CCDC57: variants seen among roughly 807,000 people sequenced by gnomAD.
The protein encoded by CCDC57 is coiled-coil domain-containing protein 57.
In CCDC57, 118 loss-of-function variants were observed where a neutral mutation model predicts 118.9. The observed-to-expected ratio is 0.99, with a 90% confidence interval of 0.86 to 1.16. The LOEUF is 1.16. Ranked by LOEUF, CCDC57 falls within the 50% of genes most tolerant of loss-of-function variation. CCDC57 has a pLI of 0.00. For missense variants in CCDC57, 1,300 were observed against 1,320.7 expected (o/e 0.98, Z 0.24); for synonymous variants, 527 against 532.9 (o/e 0.99, Z 0.15).
chr17:82,211,012 A>G (rs1487047818), intron 1 of CCDC57, among the ~76,000 whole-genome samples: 1 of 12,260 alleles, frequency 8.2e-5, no homozygotes, highest in South Asian at 2.7e-3. Flanking sequence ...AAAAAAAAGA[A>G]AAAAAAAAAA....
rs994457263 is a variant in CCDC57 at position 82,118,905 on chromosome 17, G to A, written c.2899+8787C>T. On this transcript the variant is annotated intron_variant, in intron 19 of 19. Coordinates refer to ENST00000665763, the Ensembl canonical transcript of CCDC57. The surrounding 1 kb of genome is among the most constrained non-coding windows in gnomAD (Gnocchi z 4.7). The stretch of plus-strand genomic sequence containing the variant: ...CTCCATTCTACTTCTGCGTATTTTC[G>A]TGGTTTGCCTTGGAGTCCCTCCCTC... Among the ~76,000 whole-genome samples, 3 of 151,432 alleles carry A rather than the reference G, an allele frequency of 2.0e-5. No homozygotes were observed. The highest frequency in any genetic ancestry group is 4.4e-5 in the Non-Finnish European group (3 of 67,920).
At chr17:82,209,553 G>A in intron 1 of CCDC57, among the ~76,000 whole-genome samples, 1 of 152,132 alleles carries the variant, frequency 6.6e-6, no homozygotes, top group Non-Finnish European at 1.5e-5. Context: ...CATGATTATA[G>A]CTCACTGCAG....
intron 9 of CCDC57, among the ~76,000 whole-genome samples, chr17:82,179,394 A>G (rs2045925302): frequency 6.6e-6 from 1 of 152,258 alleles, no homozygotes; most frequent in Non-Finnish European, 1.5e-5. Flanking sequence ...GGATGCCCAG[A>G]TGCCGGAGAA....
chr17:82,110,800 G>A (rs956396723), intron 19 of CCDC57, among the ~76,000 whole-genome samples: 89 of 152,144 alleles, frequency 5.8e-4, no homozygotes, highest in African/African-American at 2.1e-3. Flanking sequence ...CGAGGCGGGC[G>A]GATCACCTGA....
In CCDC57 at chr17:82,121,030, C is replaced by T. The variant is rs559403339; in HGVS notation, c.2899+6662G>A. 2.0e-5 allele frequency among the ~76,000 whole-genome samples: 3 copies of T among 152,310 alleles called. No individual in the cohort carries two copies. The South Asian group carries it at 6.2e-4, about 32-fold the overall frequency. ...TCGGCCTCCCAAAGTGCTGGGATTA[C>T]AGGGGTGAGCTACCGCGCCCGGCCT... On this transcript the variant is annotated intron_variant, in intron 19 of 19. Coordinates refer to ENST00000665763, the Ensembl canonical transcript of CCDC57.
intron 9 of CCDC57, among the ~76,000 whole-genome samples, chr17:82,180,346 T>C (rs1236666662): frequency 6.6e-6 from 1 of 152,240 alleles, no homozygotes; most frequent in Non-Finnish European, 1.5e-5. Flanking sequence ...GGAGAGACCC[T>C]GAGCCGGGAA....
chr17:82,127,370 C>T lies in CCDC57; in HGVS notation c.2899+322G>A, dbSNP rs71370218. 2.1e-4 allele frequency: 38 copies of T among 180,996 alleles called. 1 individual carries two copies. Among genetic ancestry groups the T allele is most frequent in the Middle Eastern group, 2.9e-3 (2 of 686 alleles). The allele number at this position is 180,996 out of a possible 1,614,324, so 11.2% of individuals were successfully genotyped here. On this transcript the variant is annotated intron_variant, in intron 19 of 19. Coordinates refer to ENST00000665763, the Ensembl canonical transcript of CCDC57. ...CTGGGCTCCATTCTAAGTCAGCCTG[C>T]GCCCGGGTGTACAGTGCTCCATTCT...
At chr17:82,127,266 C>G in intron 19 of CCDC57, 3 of 985,292 alleles carry the variant, frequency 3.0e-6, no homozygotes, top group Non-Finnish European at 2.4e-6. Context: ...GGCTCTTCCC[C>G]GGGAGCATCG....
intron 1 of CCDC57, among the ~76,000 whole-genome samples, chr17:82,209,547 A>G (rs2050024938): frequency 6.6e-6 from 1 of 152,130 alleles, no homozygotes; most frequent in African/African-American, 2.4e-5. Flanking sequence ...CAGTGGCATG[A>G]TTATAGCTCA....
intron 16 of CCDC57, among the ~76,000 whole-genome samples, chr17:82,138,104 G>A (rs999103852): frequency 1.1e-4 from 16 of 150,452 alleles, no homozygotes; most frequent in South Asian, 8.5e-4. Flanking sequence ...GGTGGCATGC[G>A]CTTGTGGTCC....
In CCDC57 at chr17:82,172,596, C is replaced by T; in HGVS notation, c.1729+42G>A. 1.3e-6 allele frequency: 2 copies of T among 1,512,904 alleles called. No homozygotes were observed. Among genetic ancestry groups the T allele is most frequent in the South Asian group, 1.2e-5 (1 of 83,220 alleles). The allele number at this position is 1,512,904 out of a possible 1,614,324, so 93.7% of individuals were successfully genotyped here. ...CCGTCTGTCCTCCTCCCTCCCTCTCCCCCTTCCTCTCCCGCTCTGTCCGTT... is the reference window on the plus strand; with the variant it reads ...CCGTCTGTCCTCCTCCCTCCCTCTCTCCCTTCCTCTCCCGCTCTGTCCGTT... On this transcript the variant is annotated intron_variant, in intron 12 of 19. Transcript: ENST00000665763. This position sits in a 1 kb window ranked among gnomAD's most constrained non-coding sequence, Gnocchi z 5.2.
At chr17:82,204,256 G>A (rs143670868) in intron 2 of CCDC57, among the ~76,000 whole-genome samples, 2 of 152,190 alleles carry the variant, frequency 1.3e-5, no homozygotes, top group East Asian at 1.9e-4. Context: ...ACCCATTGCC[G>A]GAGCTAACAG....
At chr17:82,207,380 T>C (rs1275486867) in intron 2 of CCDC57, among the ~76,000 whole-genome samples, 4 of 151,954 alleles carry the variant, frequency 2.6e-5, no homozygotes, top group African/African-American at 9.7e-5. Flanking sequence ...TTAGGAGTCA[T>C]GCAGCTACAG....
chr17:82,185,972 G>A (rs997731037), intron 8 of CCDC57, among the ~76,000 whole-genome samples: 1 of 152,088 alleles, frequency 6.6e-6, no homozygotes, highest in Non-Finnish European at 1.5e-5. Context: ...TGAGTAGCTA[G>A]GACTATAGGT....
At chr17:82,156,490 T>C (rs553628962) in intron 15 of CCDC57, 1 of 152,162 alleles carries the variant, frequency 6.6e-6, no homozygotes, top group South Asian at 2.1e-4. Context: ...GGTACAGACA[T>C]GCTTACCCCT....
chr17:82,199,337 G>A (rs2048702071), intron 3 of CCDC57, among the ~76,000 whole-genome samples: 1 of 151,824 alleles, frequency 6.6e-6, no homozygotes, highest in South Asian at 2.1e-4. Flanking sequence ...AATTAGCCGG[G>A]CATGGTGGCA....
At chr17:82,201,666 G>A (rs1324538455) in exon 3 of CCDC57, 11 of 1,613,218 alleles carry the variant, frequency 6.8e-6, no homozygotes, top group South Asian at 3.3e-5. Flanking sequence ...TCTTGAGCTC[G>A]CTCACCTCTG....
intron 2 of CCDC57, among the ~76,000 whole-genome samples, chr17:82,206,442 G>A (rs2049655817): frequency 6.6e-6 from 1 of 151,994 alleles, no homozygotes; most frequent in African/African-American, 2.4e-5. Flanking sequence ...TAGGTCATAA[G>A]ATCCTCCCCA....
At chr17:82,177,219 A>G (rs2045635432) in intron 11 of CCDC57, among the ~76,000 whole-genome samples, 1 of 152,052 alleles carries the variant, frequency 6.6e-6, no homozygotes, top group Non-Finnish European at 1.5e-5. Context: ...TACTAAAAAT[A>G]CAAAAAATTA....
Sources: allele counts gnomAD v4.1 joint callset (sites outside exome capture counted in the v4.1 genomes callset), GRCh38; gene constraint gnomAD v4.1.1; non-coding constraint Gnocchi (gnomAD v3.1); transcripts MANE v1.5; gene names NCBI Gene and HGNC (gene_info 2026-07-23, HGNC 2026-07-21).